Variants in DOP1A observed in about 807,000 individuals in gnomAD.
The protein encoded by DOP1A is protein DOP1A.
A neutral mutation model predicts 267.6 loss-of-function variants in DOP1A; 90 were observed. The observed-to-expected ratio is 0.34, with a 90% CI of 0.28 to 0.40. The LOEUF (loss-of-function observed/expected upper bound fraction) is 0.40, where lower values mean the gene tolerates loss of function less well. Ranked by LOEUF, DOP1A falls within the 10% of genes least tolerant of loss-of-function variation. The probability of loss-of-function intolerance (pLI) is 1.00; values close to 1 mark genes in which losing one functional copy is unlikely to be tolerated. For synonymous variants in DOP1A, 932 were observed against 999.1 expected, an observed-to-expected ratio of 0.93 and a Z score of 1.27; for missense variants, 2,437 against 2,900.4, an observed-to-expected ratio of 0.84 and a Z score of 3.67.
chr6:83,100,330 A>AG (rs1772342883), intron 3 of DOP1A, among the ~76,000 whole-genome samples: 1 of 152,158 alleles, frequency 6.6e-6, no homozygotes, highest in Non-Finnish European at 1.5e-5. Flanking sequence ...AAAGTAGCAA[A>AG]AATGGATTGA....
chr6:83,148,863 G>C lies in DOP1A; in HGVS notation c.5837G>C (p.Gly1946Ala). The change falls in exon 27 of 39, where the codon GGG becomes GCG. Residue 1946 changes from glycine (G) to alanine (A), a missense_variant and splice_region_variant. Around this residue, in one of 9 missense-constraint regions of DOP1A, gnomAD observed 216 missense variants for 283.3 expected, o/e 0.76. Coordinates refer to ENST00000349129, the MANE Select transcript of DOP1A (RefSeq NM_015018.4). ...LPAPGQFLIL[G>A]VLNEFIMKNP... ...GCTCCAGGGCAGTTTCTTATACTTG[G>C]GTAAGCAATTTCACTTAATATTATT... 6.7e-7 allele frequency: 1 copy of C among 1,499,398 alleles called. No homozygotes were observed. The highest frequency in any genetic ancestry group is 1.5e-5 in the African/African-American group (1 of 68,554). The allele number at this position is 1,499,398 out of a possible 1,614,324, so 92.9% of individuals were successfully genotyped here.
chr6:83,103,613 C>T (rs1427023930), intron 4 of DOP1A, among the ~76,000 whole-genome samples: 1 of 152,174 alleles, frequency 6.6e-6, no homozygotes, highest in Non-Finnish European at 1.5e-5. Context: ...TATGGCTTCT[C>T]CATCTCTTAA....
rs943147112 is a variant in DOP1A, at chr6:83,094,165, T to C, written c.-146-2566T>C. On this transcript the variant is annotated intron_variant, in intron 1 of 38. Coordinates refer to ENST00000349129, the MANE Select transcript of DOP1A (RefSeq NM_015018.4). ...GTCATTTCATATAAATGGAATCATA[T>C]ACTATGTGGTCTTATGTCAATGGCT... Among the ~76,000 whole-genome samples, 4 of 152,308 alleles carry C rather than the reference T, an allele frequency of 2.6e-5. No homozygotes were observed. In the South Asian group the frequency reaches 8.3e-4, roughly 32 times the overall value.
Position 83,162,742 on chromosome 6 carries a change from G to A in DOP1A, c.6963-48G>A, listed in dbSNP as rs189960539. On this transcript the variant is annotated intron_variant, in intron 37 of 38. Coordinates refer to ENST00000349129, the MANE Select transcript of DOP1A (RefSeq NM_015018.4). ...TACATTATGTGGCCTAATCTTAGAT[G>A]GCACAAAGTCTGTCTTACTGATGCT... 2.3e-5 allele frequency: 36 copies of A among 1,550,482 alleles called. No homozygotes were observed. The Middle Eastern group carries it at 6.9e-4, about 30-fold the overall frequency.
intron 1 of DOP1A, among the ~76,000 whole-genome samples, chr6:83,078,009 A>T (rs1767426083): frequency 6.6e-6 from 1 of 152,232 alleles, no homozygotes; most frequent in Non-Finnish European, 1.5e-5. Flanking sequence ...AATTAGGTCA[A>T]AGGGGTTGAA....
chr6:83,147,190 A>G, intron 25 of DOP1A, 46 bp from the exon 26 acceptor site: 1 of 999,290 alleles, frequency 1.0e-6, no homozygotes, highest in Admixed American at 2.3e-5. Context: ...GAAAAAGCAA[A>G]GGCAGTATTC....
At chr6:83,075,160 G>T (rs1262023341) in intron 1 of DOP1A, among the ~76,000 whole-genome samples, 1 of 152,000 alleles carries the variant, frequency 6.6e-6, no homozygotes, top group Non-Finnish European at 1.5e-5. Context: ...ATATATGTTA[G>T]CACTTTAAAA....
intron 24 of DOP1A, among the ~76,000 whole-genome samples, chr6:83,145,032 G>C (rs774784133): frequency 7.0e-6 from 1 of 143,220 alleles, no homozygotes; most frequent in Non-Finnish European, 1.5e-5. Flanking sequence ...AAACCTATGA[G>C]GTTGAGGCTG....
intron 1 of DOP1A, among the ~76,000 whole-genome samples, chr6:83,083,093 C>T (rs1768427662): frequency 6.6e-6 from 1 of 152,070 alleles, no homozygotes; most frequent in Non-Finnish European, 1.5e-5. Context: ...CAGGCATGAG[C>T]CACCATGCCT....
chr6:83,079,174 G>A (rs1471437844), intron 1 of DOP1A, among the ~76,000 whole-genome samples: 1 of 152,142 alleles, frequency 6.6e-6, no homozygotes, highest in Non-Finnish European at 1.5e-5. Context: ...TGTCCAGGGT[G>A]AACCCTTTTT....
chr6:83,138,946 CAT>C lies in DOP1A; in HGVS notation c.4905_4906del (p.Cys1636SerfsTer19), dbSNP rs2128271307. ...CAGTATTTGCATGCTCAGCCAATCA[CAT>C]GTCAAGGCATGTTCCTCTGTGCAGT... On this transcript the variant is annotated frameshift_variant, in exon 21 of 39. Coordinates refer to ENST00000349129, the MANE Select transcript of DOP1A (RefSeq NM_015018.4). LOFTEE classifies it high-confidence loss of function. The C allele has an allele frequency of 1.2e-6, 2 of 1,614,066 alleles. No homozygotes were observed. Among genetic ancestry groups the C allele is most frequent in the Non-Finnish European group, 1.7e-6 (2 of 1,179,966 alleles).
intron 1 of DOP1A, among the ~76,000 whole-genome samples, chr6:83,074,118 A>G (rs1237493698): frequency 6.6e-6 from 1 of 152,214 alleles, no homozygotes; most frequent in Non-Finnish European, 1.5e-5. Context: ...AGTATGCAGT[A>G]TATACACAGC....
chr6:83,157,342 G>A, intron 35 of DOP1A, 24 bp downstream of exon 35: 6 of 1,608,160 alleles, frequency 3.7e-6, no homozygotes, highest in Non-Finnish European at 5.1e-6. Context: ...AATTCAGTCA[G>A]GTTATAAATC....
At chr6:83,136,912 A>T (rs1778947923) in intron 20 of DOP1A, among the ~76,000 whole-genome samples, 4 of 152,154 alleles carry the variant, frequency 2.6e-5, no homozygotes. Flanking sequence ...CCCCTAAAAA[A>T]TACAGAAATG....
rs892472618 is a variant in DOP1A, at chr6:83,154,402, G to A, written c.6451+161G>A. ...AGGGAAAGCACACTACTTTCTGTACGCTATGGGAATATAATCTTAAAATTT... is the reference window on the plus strand; with the variant it reads ...AGGGAAAGCACACTACTTTCTGTACACTATGGGAATATAATCTTAAAATTT... On this transcript the variant is annotated intron_variant, in intron 33 of 38. Transcript: ENST00000349129. 45 of 621,446 alleles carry A rather than the reference G, an allele frequency of 7.2e-5. No individual in the cohort carries two copies. The South Asian group carries it at 7.8e-4, about 11-fold the overall frequency. 38.5% of individuals were successfully genotyped at this position (621,446 alleles called of 1,614,324 possible).
chr6:83,155,886 A>T, intron 33 of DOP1A, 65 bp from the exon 34 acceptor site: 7 of 1,548,742 alleles, frequency 4.5e-6, no homozygotes, highest in Non-Finnish European at 6.1e-6. Flanking sequence ...TAGCTATTTT[A>T]AAAAACAACA....
rs775284736 is a variant in DOP1A, at chr6:83,119,846, T to G, written c.979T>G (p.Leu327Val). The change falls in exon 9 of 39, where the codon TTA becomes GTA. Residue 327 changes from leucine (L) to valine (V), a missense_variant. Transcript: ENST00000349129. ...CTATTTCACTACCTTTTCAAAAGAA[T>G]TATTAGTCCAGGTAATGAATACTTT... Reference protein sequence around the residue: ...TYYFTTFSKELLVQAMVGILQ... With the variant: ...TYYFTTFSKEVLVQAMVGILQ... 1.2e-6 allele frequency: 2 copies of G among 1,610,810 alleles called. No homozygotes were observed. Among genetic ancestry groups the G allele is most frequent in the African/African-American group, 1.3e-5 (1 of 74,820 alleles).
At chr6:83,169,491 A>G, downstream of DOP1A, 1 of 751,932 alleles carries the variant, frequency 1.3e-6, no homozygotes, top group East Asian at 2.8e-5. Flanking sequence ...CAAATTCCAA[A>G]GCCCTTAAAT....
intron 34 of DOP1A, 93 bp downstream of exon 34, chr6:83,156,196 T>C: frequency 2.0e-6 from 2 of 1,006,100 alleles, no homozygotes; most frequent in Non-Finnish European, 2.8e-6. Context: ...GGGTAAAATA[T>C]ATCAAGTGTA....
Sources: gnomAD v4.1 joint callset for allele counts (sites outside exome capture counted in the v4.1 genomes callset) on GRCh38, gnomAD v4.1.1 for gene constraint, gnomAD v4.1.1 regional missense constraint, MANE v1.5 for transcripts, NCBI Gene and HGNC (gene_info 2026-07-23, HGNC 2026-07-21) for gene names.